The following CABIN1 variants were observed in gnomAD, a reference collection of about 807,000 sequenced individuals.
CABIN1 encodes the protein calcineurin binding protein 1, also known as calcineurin-binding protein cabin-1.
Under a neutral mutation model 227.7 loss-of-function variants are expected in CABIN1, and 133 were observed. That is an observed-to-expected ratio of 0.58 (90% confidence interval 0.51 to 0.67). CABIN1 has a LOEUF of 0.67. Among genes scored for constraint, CABIN1 ranks in the 30% least tolerant of loss-of-function variants. CABIN1 has a pLI of 0.00. For missense variants in CABIN1, 2,408 were observed against 2,852.5 expected, an observed-to-expected ratio of 0.84 and a Z score of 3.55; for synonymous variants, 1,086 against 1,155.1, an observed-to-expected ratio of 0.94 and a Z score of 1.21.
chr22:24,113,358 G>T (rs1371687116), intron 26 of CABIN1, among the ~76,000 whole-genome samples: 1 of 152,208 alleles, frequency 6.6e-6, no homozygotes, highest in Non-Finnish European at 1.5e-5. Flanking sequence ...CCCCAGGAGG[G>T]TTGACCATGG....
In CABIN1 at chr22:24,130,209, A is replaced by G. The variant is rs570189024; in HGVS notation, c.4633-4093A>G. On this transcript the variant is annotated intron_variant, in intron 28 of 36. Transcript: ENST00000263119. ...CCTCCTCCCATTCTCAGAGGTGCCT[A>G]TGAGCCAGCAGTGTGACAGGTTGCA... 3.9e-5 allele frequency among the ~76,000 whole-genome samples: 6 copies of G among 152,318 alleles called. No homozygotes were observed. The South Asian group carries it at 8.3e-4, about 21-fold the overall frequency.
chr22:24,114,043 T>C (rs548113375), intron 27 of CABIN1, among the ~76,000 whole-genome samples: 1 of 151,050 alleles, frequency 6.6e-6, no homozygotes, highest in Non-Finnish European at 1.5e-5. Context: ...GTCTGTGATA[T>C]CAGTGTGCTC....
intron 28 of CABIN1, among the ~76,000 whole-genome samples, chr22:24,121,167 C>T (rs1269306572): frequency 2.0e-5 from 3 of 152,232 alleles, no homozygotes; most frequent in South Asian, 2.1e-4. Context: ...CTGGCTCCCC[C>T]CAGCATCCTC....
At position 24,156,114 on chromosome 22, in the gene CABIN1, C is replaced by T. The variant is rs1159358352; in HGVS notation, c.4747-8286C>T. The stretch of plus-strand genomic sequence containing the variant: ...CGGGGGCGGGGGCCGGGACTGGGGC[C>T]GGGACTGGGGCCGGGGCTGGGGCTG... On this transcript the variant is annotated intron_variant, in intron 29 of 36. Transcript: ENST00000263119. 5 of 406,778 alleles carry T rather than the reference C, an allele frequency of 1.2e-5. No individual in the cohort carries two copies. The East Asian group carries it at 1.8e-4, about 15-fold the overall frequency. The allele number at this position is 406,778 out of a possible 1,614,324, so 25.2% of individuals were successfully genotyped here. A position where few individuals can be genotyped will look rare whatever the true frequency, so the allele number is the denominator to read the frequency against.
At chr22:24,156,102 C>T (rs1156357530) in intron 29 of CABIN1, 15 of 409,938 alleles carry the variant, frequency 3.7e-5, no homozygotes, top group Non-Finnish European at 6.0e-5. Flanking sequence ...GGGCGGGGGC[C>T]GGGACTGGGG....
chr22:24,100,679 A>G (rs1243556862), intron 26 of CABIN1, among the ~76,000 whole-genome samples: 1 of 152,202 alleles, frequency 6.6e-6, no homozygotes, highest in Non-Finnish European at 1.5e-5. Context: ...GCTGAGGAGA[A>G]GCAGTCACGG....
Position 24,043,022 on chromosome 22 carries a change from C to A in CABIN1, c.464C>A (p.Pro155His), listed in dbSNP as rs772175109. The change falls in exon 6 of 37, where the codon CCT becomes CAT. Residue 155 changes from proline (P) to histidine (H), a missense_variant. This residue lies in a region of CABIN1 where 1,045 missense variants were observed against 1,168.4 expected (regional missense o/e 0.89). Coordinates refer to ENST00000263119, the MANE Select transcript of CABIN1 (RefSeq NM_012295.4). ...HAFEEGLRCNPDHWPCLDNLI... is the reference protein window; with the variant it reads ...HAFEEGLRCNHDHWPCLDNLI... ...TTTGAGGAAGGGCTGCGGTGCAATC[C>A]TGACCACTGGCCCTGTTTGGATAAC... The A allele has an allele frequency of 9.3e-6, 15 of 1,613,942 alleles. No homozygotes were observed. The Admixed American group carries it at 2.5e-4, about 27-fold the overall frequency.
At chr22:24,109,408 A>C (rs1342534384) in intron 26 of CABIN1, among the ~76,000 whole-genome samples, 1 of 150,442 alleles carries the variant, frequency 6.6e-6, no homozygotes, top group East Asian at 1.9e-4. Context: ...ACAGACGGGC[A>C]TCTCCGTATG....
intron 29 of CABIN1, among the ~76,000 whole-genome samples, chr22:24,135,409 C>T (rs1331272193): frequency 6.6e-6 from 1 of 152,064 alleles, no homozygotes. Flanking sequence ...AAGAGTGTGA[C>T]CAATATTGGG....
rs1315779900 is a variant in CABIN1, at chr22:24,072,409, C to T, written c.2531C>T (p.Ser844Leu). The change falls in exon 18 of 37, where the codon TCA (serine) becomes TTA (leucine). Residue 844 changes from serine to leucine, a missense_variant. This residue lies in a region of CABIN1 where 1,045 missense variants were observed against 1,168.4 expected (regional missense o/e 0.89). Coordinates refer to ENST00000263119, the MANE Select transcript of CABIN1 (RefSeq NM_012295.4). ...QEEAKEPHVS[S>L]VLPWIILHRI... ...GAGGCCAAGGAGCCCCACGTCTCTTCAGTGCTACCCTGGATCATTCTACAC... is the reference window on the plus strand; with the variant it reads ...GAGGCCAAGGAGCCCCACGTCTCTTTAGTGCTACCCTGGATCATTCTACAC... 6.2e-7 allele frequency: 1 copy of T among 1,614,042 alleles called. No homozygotes were observed. The highest frequency in any genetic ancestry group is 8.5e-7 in the Non-Finnish European group (1 of 1,180,000).
chr22:24,122,068 C>T (rs1045092723), intron 28 of CABIN1, among the ~76,000 whole-genome samples: 3 of 150,624 alleles, frequency 2.0e-5, no homozygotes, highest in Non-Finnish European at 3.0e-5. Context: ...ACCCACCCTC[C>T]ACTTCCCTGC....
chr22:24,020,935 C>A (rs1601644725), intron 1 of CABIN1, among the ~76,000 whole-genome samples: 1 of 151,988 alleles, frequency 6.6e-6, no homozygotes, highest in South Asian at 2.1e-4. Flanking sequence ...TATATCATCT[C>A]CTCTGTTATG....
chr22:24,117,179 A>G (rs2043135693), intron 27 of CABIN1, among the ~76,000 whole-genome samples: 1 of 152,122 alleles, frequency 6.6e-6, no homozygotes, highest in Admixed American at 6.5e-5. Flanking sequence ...TAGGCCACCC[A>G]GACCCCTAGG....
chr22:24,032,619 C>A (rs1171791317), intron 1 of CABIN1, among the ~76,000 whole-genome samples: 5 of 152,164 alleles, frequency 3.3e-5, no homozygotes, highest in Admixed American at 1.3e-4. Context: ...TACAAAGACT[C>A]CAGTTTCTCC....
rs372122646 is a variant in CABIN1 at position 24,083,274 on chromosome 22, C to G, written c.2795C>G (p.Thr932Arg). ...CTGGCTGCATCCACCTCTGAAGACA[C>G]GCACCCTTACAAGGAGGAGCTGGAG... Reference protein sequence around the residue: ...KELAASTSEDTHPYKEELETA... With the variant: ...KELAASTSEDRHPYKEELETA... The change falls in exon 20 of 37, where the codon ACG becomes AGG. Residue 932 changes from threonine to arginine, a missense_variant. Coordinates refer to ENST00000263119, the MANE Select transcript of CABIN1 (RefSeq NM_012295.4). 1 of 1,613,210 alleles carries G rather than the reference C, an allele frequency of 6.2e-7. No homozygotes were observed. The highest frequency in any genetic ancestry group is 8.5e-7 in the Non-Finnish European group (1 of 1,180,018).
At chr22:24,131,948 C>T (rs995617655) in intron 28 of CABIN1, among the ~76,000 whole-genome samples, 3 of 152,024 alleles carry the variant, frequency 2.0e-5, no homozygotes, top group Admixed American at 1.3e-4. Context: ...CACCTGTAGT[C>T]CCAGCTACTC....
chr22:24,154,537 CCCTTGTCCTCACACAGCCTTGAGGTA>C (rs1359910204), intron 29 of CABIN1, among the ~76,000 whole-genome samples: 4 of 152,214 alleles, frequency 2.6e-5, no homozygotes, highest in Non-Finnish European at 4.4e-5. Context: ...GGTGAGGAGC[CCCTTGTCCTCACACAGCCTTGAGGTA>C]GCTTGTGCTC....
chr22:24,147,324 CCTCCTCT>C (rs2045197458), intron 29 of CABIN1, among the ~76,000 whole-genome samples: 1 of 122,948 alleles, frequency 8.1e-6, no homozygotes. Context: ...TCCCTCCCTC[CCTCCTCT>C]CCTCCCTCCC....
At chr22:24,136,326 C>T (rs1316743268) in intron 29 of CABIN1, among the ~76,000 whole-genome samples, 2 of 149,694 alleles carry the variant, frequency 1.3e-5, no homozygotes, top group East Asian at 3.9e-4. Flanking sequence ...GGATGTCCCA[C>T]AGTTTACCTA....
Sources: gnomAD v4.1 joint callset for allele counts (sites outside exome capture counted in the v4.1 genomes callset) on GRCh38, gnomAD v4.1.1 for gene constraint, gnomAD v4.1.1 regional missense constraint, MANE v1.5 for transcripts, NCBI Gene and HGNC (gene_info 2026-07-23, HGNC 2026-07-21) for gene names.